The following MKLN1 variants were observed in gnomAD, a reference collection of about 807,000 sequenced individuals.
MKLN1 encodes muskelin 1.
MKLN1 carries 18 observed loss-of-function variants against 99.0 expected under a neutral mutation model. The ratio of observed to expected loss-of-function variants is 0.18; its 90% CI spans 0.13 to 0.27. MKLN1 has a LOEUF of 0.27. Ranked by LOEUF, MKLN1 falls within the 10% of genes least tolerant of loss-of-function variation. The pLI is 1.00. For synonymous variants in MKLN1, 288 were observed against 293.2 expected (o/e 0.98, Z 0.18); for missense variants, 621 against 875.9 (o/e 0.71, Z 3.67).
intron 3 of MKLN1, among the ~76,000 whole-genome samples, chr7:131,288,957 GT>G (rs1487666562): frequency 6.6e-6 from 1 of 151,990 alleles, no homozygotes; most frequent in African/African-American, 2.4e-5. Flanking sequence ...AGTGCAGGTG[GT>G]TAGGCAGAGC....
At chr7:131,318,096 TG>T (rs1337064973) in intron 3 of MKLN1, among the ~76,000 whole-genome samples, 1 of 152,200 alleles carries the variant, frequency 6.6e-6, no homozygotes, top group African/African-American at 2.4e-5. Flanking sequence ...TACTCAGCTC[TG>T]GATCAAGTGG....
chr7:131,464,609 C>G (rs1028486155), intron 14 of MKLN1, among the ~76,000 whole-genome samples: 15 of 152,276 alleles, frequency 9.9e-5, no homozygotes, highest in Admixed American at 5.9e-4. Flanking sequence ...GTCTGTAATT[C>G]TTGGTACTTT....
chr7:131,386,352 A>G (rs1055881047), intron 2 of MKLN1, among the ~76,000 whole-genome samples: 10 of 152,020 alleles, frequency 6.6e-5, no homozygotes, highest in Non-Finnish European at 1.5e-4. Flanking sequence ...ATCAGTTTTT[A>G]TCCATTTTGA....
At position 131,232,426 on chromosome 7, in the gene MKLN1, GTGAGGGGGTTTTATATATATAAAC is replaced by G. The variant is rs1797256605; in HGVS notation, c.-179+29455_-179+29478del. Among the ~76,000 whole-genome samples, 2 of 152,142 alleles carry G rather than the reference GTGAGGGGGTTTTATATATATAAAC, an allele frequency of 1.3e-5. 1 individual carries two copies. The highest frequency in any genetic ancestry group is 4.1e-4 in the South Asian group (2 of 4,832). The stretch of plus-strand genomic sequence containing the variant: ...TGAAAAATTTATAGGATTGGTTTAG[GTGAGGGGGTTTTATATATATAAAC>G]TGTTAATATAACATTGGAATAAGCT... On this transcript the variant is annotated intron_variant, in intron 3 of 7. Transcript: ENST00000416992.
intron 2 of MKLN1, among the ~76,000 whole-genome samples, chr7:131,148,785 GAAGAAA>G: frequency 6.6e-6 from 1 of 152,156 alleles, no homozygotes; most frequent in East Asian, 1.9e-4. Flanking sequence ...AAAGAAAAAA[GAAGAAA>G]AAGAAAAATA....
intron 3 of MKLN1, among the ~76,000 whole-genome samples, chr7:131,306,569 C>T (rs1488903603): frequency 6.6e-6 from 1 of 152,128 alleles, no homozygotes; most frequent in Non-Finnish European, 1.5e-5. Context: ...GCATTTTGCC[C>T]CTGCCCTAGA....
chr7:131,251,011 C>T (rs1212317112), intron 3 of MKLN1, among the ~76,000 whole-genome samples: 1 of 151,860 alleles, frequency 6.6e-6, no homozygotes, highest in African/African-American at 2.4e-5. Flanking sequence ...AACTCAGATG[C>T]TGGTGAAGCC....
chr7:131,248,553 G>T (rs1212642196), intron 3 of MKLN1, among the ~76,000 whole-genome samples: 1 of 152,166 alleles, frequency 6.6e-6, no homozygotes, highest in African/African-American at 2.4e-5. Context: ...TTACTGTAGG[G>T]GGTAGAAGTG....
intron 1 of MKLN1, among the ~76,000 whole-genome samples, chr7:131,330,187 T>G (rs555861986): frequency 6.6e-6 from 1 of 152,342 alleles, no homozygotes; most frequent in Non-Finnish European, 1.5e-5. Context: ...TGACTTTACT[T>G]ACCTTTGCCC....
chr7:131,301,088 C>A (rs1366319510), intron 3 of MKLN1, among the ~76,000 whole-genome samples: 7 of 152,110 alleles, frequency 4.6e-5, no homozygotes, highest in Admixed American at 4.6e-4. Flanking sequence ...ATGTTGATAC[C>A]TATGGTAGAT....
At chr7:131,284,311 C>T (rs898639107) in intron 3 of MKLN1, among the ~76,000 whole-genome samples, 1 of 152,212 alleles carries the variant, frequency 6.6e-6, no homozygotes. Context: ...TTTAAAAATA[C>T]ACATATCTAA....
chr7:131,307,795 T>C (rs963132279), intron 3 of MKLN1, among the ~76,000 whole-genome samples: 3 of 152,218 alleles, frequency 2.0e-5, no homozygotes, highest in Admixed American at 6.5e-5. Flanking sequence ...GGACTTACCT[T>C]GTCTCAGAAG....
At chr7:131,122,648 AG>A (rs1795390264) in intron 1 of MKLN1, among the ~76,000 whole-genome samples, 1 of 152,188 alleles carries the variant, frequency 6.6e-6, no homozygotes, top group Admixed American at 6.5e-5. Flanking sequence ...TGAGAGAGAA[AG>A]GTGACTACTG....
chr7:131,482,442 A>T (rs561515750), intron 17 of MKLN1, among the ~76,000 whole-genome samples: 1 of 151,880 alleles, frequency 6.6e-6, no homozygotes, highest in Non-Finnish European at 1.5e-5. Context: ...GGTCCTCACA[A>T]CTCTTTTTAG....
chr7:131,375,489 C>A lies in MKLN1; in HGVS notation c.164C>A (p.Pro55His). ...SRWSSESNYP[P>H]QYLILKLERP... ...TGGTCTTCAGAGAGCAACTATCCTC[C>A]CCAGGTAAGATTACATGTATCCCTT... Residue 55 changes from proline (P) to histidine (H), a missense_variant, in exon 2 of 18, where the codon CCC becomes CAC. Pro to His is a moderately conservative substitution (Grantham distance 77). Around this residue, in one of 8 missense-constraint regions of MKLN1, gnomAD observed 27 missense variants for 19.7 expected, o/e 1.37. Transcript: ENST00000352689. The A allele has an allele frequency of 6.2e-7, 1 of 1,600,884 alleles. No individual in the cohort carries two copies. Among genetic ancestry groups the A allele is most frequent in the Non-Finnish European group, 8.6e-7 (1 of 1,168,258 alleles).
chr7:131,147,757 G>A (rs757890786), intron 2 of MKLN1, among the ~76,000 whole-genome samples: 20 of 152,150 alleles, frequency 1.3e-4, no homozygotes, highest in Non-Finnish European at 2.1e-4. Context: ...AAATTGCCTT[G>A]TCTGGTTCCC....
At chr7:131,255,111 T>TA (rs1349709122) in intron 3 of MKLN1, among the ~76,000 whole-genome samples, 2 of 151,914 alleles carry the variant, frequency 1.3e-5, no homozygotes, top group East Asian at 3.9e-4. Flanking sequence ...GGCAATTTTT[T>TA]AAAAAAAATT....
intron 3 of MKLN1, among the ~76,000 whole-genome samples, chr7:131,298,286 A>G (rs1182455910): frequency 1.1e-4 from 16 of 150,708 alleles, no homozygotes; most frequent in Admixed American, 9.9e-4. Flanking sequence ...AAAAAAAAAG[A>G]TATGCACATG....
intron 3 of MKLN1, among the ~76,000 whole-genome samples, chr7:131,274,677 G>C (rs946164538): frequency 6.7e-6 from 1 of 149,210 alleles, no homozygotes; most frequent in Non-Finnish European, 1.5e-5. Flanking sequence ...TGAGAGATGA[G>C]ATTGCTGCCT....
Sources: allele counts gnomAD v4.1 joint callset (sites outside exome capture counted in the v4.1 genomes callset), GRCh38; gene constraint gnomAD v4.1.1; regional missense constraint gnomAD v4.1.1; transcripts MANE v1.5; gene names NCBI Gene and HGNC (gene_info 2026-07-23, HGNC 2026-07-21).